EBF2: variants seen among roughly 807,000 people sequenced by gnomAD.
EBF2 encodes the protein transcription factor COE2.
In EBF2, 21 loss-of-function variants were observed where a neutral mutation model predicts 72.8. The ratio of observed to expected loss-of-function variants is 0.29; its 90% confidence interval spans 0.20 to 0.42. EBF2 has a LOEUF of 0.42. Ranked by LOEUF, EBF2 falls within the 10% of genes least tolerant of loss-of-function variation. The pLI is 1.00. For missense variants in EBF2, 637 were observed against 731.2 expected, an observed-to-expected ratio of 0.87 and a Z score of 1.49; for synonymous variants, 299 against 274.2, an observed-to-expected ratio of 1.09 and a Z score of -0.89.
intron 6 of EBF2, among the ~76,000 whole-genome samples, chr8:25,998,249 A>G (rs1024646912): frequency 5.3e-5 from 8 of 152,164 alleles, no homozygotes; most frequent in African/African-American, 1.9e-4. Flanking sequence ...GATGACTTAC[A>G]ATGTCAGGCA....
At chr8:25,966,423 A>G (rs948431546) in intron 6 of EBF2, among the ~76,000 whole-genome samples, 31 of 152,324 alleles carry the variant, frequency 2.0e-4, no homozygotes, top group African/African-American at 6.7e-4. Flanking sequence ...AGAGGAAATC[A>G]CTTTCCGGAC....
Position 25,939,199 on chromosome 8 carries a change from T to C in EBF2, c.552-30644A>G, listed in dbSNP as rs189224059. Among the ~76,000 whole-genome samples, 558 of 152,354 alleles carry C rather than the reference T, an allele frequency of 3.7e-3. 2 individuals carry two copies. The highest frequency in any genetic ancestry group is 6.5e-3 in the Non-Finnish European group (443 of 68,030). ...CCATTCTGTGATCTTCTTTTCTTAG[T>C]TCCTTTCTTTTACATCACTAGATTT... is the stretch of plus-strand genomic sequence containing the variant. On this transcript the variant is annotated intron_variant, in intron 6 of 15. Coordinates refer to ENST00000520164, the MANE Select transcript of EBF2 (RefSeq NM_022659.4).
At chr8:26,028,950 G>A (rs1205641226) in intron 6 of EBF2, among the ~76,000 whole-genome samples, 1 of 152,206 alleles carries the variant, frequency 6.6e-6, no homozygotes, top group African/African-American at 2.4e-5. Context: ...GGCTTTTGGA[G>A]AGGGGCATAG....
intron 6 of EBF2, among the ~76,000 whole-genome samples, chr8:25,962,224 G>A (rs1804046520): frequency 6.6e-6 from 1 of 152,138 alleles, no homozygotes; most frequent in Non-Finnish European, 1.5e-5. Flanking sequence ...TCCATATCCT[G>A]TCCAAGACCC....
chr8:25,952,114 G>A (rs1803873362), intron 6 of EBF2, among the ~76,000 whole-genome samples: 1 of 152,212 alleles, frequency 6.6e-6, no homozygotes, highest in African/African-American at 2.4e-5. Flanking sequence ...GCAACAGAGT[G>A]AGACCGTGTA....
At chr8:26,033,392 G>T (rs939683340) in intron 5 of EBF2, among the ~76,000 whole-genome samples, 3 of 152,142 alleles carry the variant, frequency 2.0e-5, no homozygotes, top group Non-Finnish European at 4.4e-5. Flanking sequence ...ACCGCGCCCA[G>T]CTAATTTCTG....
intron 7 of EBF2, among the ~76,000 whole-genome samples, chr8:25,893,585 T>A (rs895503441): frequency 2.0e-5 from 3 of 152,130 alleles, no homozygotes; most frequent in African/African-American, 7.2e-5. Flanking sequence ...GCCATGGGCA[T>A]TAATTCTTAA....
At chr8:25,974,903 C>G (rs1804244561) in intron 6 of EBF2, among the ~76,000 whole-genome samples, 2 of 152,152 alleles carry the variant, frequency 1.3e-5, no homozygotes, top group South Asian at 2.1e-4. Flanking sequence ...CAGCAGATCC[C>G]TGATAGCTCA....
chr8:25,863,410 A>AT (rs1205799579), intron 10 of EBF2, among the ~76,000 whole-genome samples: 16 of 152,298 alleles, frequency 1.1e-4, no homozygotes, highest in Non-Finnish European at 2.2e-4. Context: ...GGCCTGGCAC[A>AT]TAGAAGGCAC....
At chr8:25,885,795 G>A (rs1030731817) in intron 10 of EBF2, among the ~76,000 whole-genome samples, 10 of 152,162 alleles carry the variant, frequency 6.6e-5, no homozygotes, top group African/African-American at 2.2e-4. Context: ...TTGGAACTAT[G>A]AGTCCATTGA....
intron 10 of EBF2, among the ~76,000 whole-genome samples, chr8:25,865,053 G>A (rs1300691611): frequency 1.3e-5 from 2 of 151,870 alleles, no homozygotes; most frequent in Non-Finnish European, 2.9e-5. Context: ...CGCCTGCCTC[G>A]GCCTCACAAA....
chr8:25,957,760 G>C (rs1223976204), intron 6 of EBF2, among the ~76,000 whole-genome samples: 1 of 152,198 alleles, frequency 6.6e-6, no homozygotes, highest in Non-Finnish European at 1.5e-5. Context: ...CAGCTACTTG[G>C]GAGGTTGAGA....
intron 6 of EBF2, among the ~76,000 whole-genome samples, chr8:25,939,002 G>A (rs1290454885): frequency 6.6e-6 from 1 of 152,068 alleles, no homozygotes; most frequent in Non-Finnish European, 1.5e-5. Flanking sequence ...TGGACAGTTA[G>A]GAAATGGGAC....
At chr8:25,943,399 A>G (rs1803713440) in intron 6 of EBF2, among the ~76,000 whole-genome samples, 2 of 151,960 alleles carry the variant, frequency 1.3e-5, no homozygotes, top group South Asian at 4.2e-4. Context: ...AGTTCCAGCT[A>G]CTTGGGAGGC....
intron 6 of EBF2, among the ~76,000 whole-genome samples, chr8:26,025,256 C>T (rs904279041): frequency 6.6e-5 from 10 of 152,086 alleles, no homozygotes; most frequent in African/African-American, 2.4e-4. Flanking sequence ...ATCCATTGAC[C>T]TAGTCTTCGG....
chr8:25,992,955 G>A (rs1401490294), intron 6 of EBF2, among the ~76,000 whole-genome samples: 2 of 152,026 alleles, frequency 1.3e-5, no homozygotes, highest in Non-Finnish European at 2.9e-5. Flanking sequence ...GGCAAAAGGG[G>A]AGCTGTGCTG....
intron 6 of EBF2, among the ~76,000 whole-genome samples, chr8:25,921,660 T>A (rs1449644007): frequency 6.6e-6 from 1 of 152,246 alleles, no homozygotes; most frequent in Non-Finnish European, 1.5e-5. Flanking sequence ...CACAAGAGAA[T>A]GTTATCTGTT....
intron 10 of EBF2, among the ~76,000 whole-genome samples, chr8:25,875,040 C>T (rs1404165080): frequency 1.3e-5 from 2 of 152,116 alleles, no homozygotes; most frequent in African/African-American, 4.8e-5. Context: ...CTGCAAAGGC[C>T]ATGTTCTTGG....
At chr8:25,873,857 T>G (rs1172624279) in intron 10 of EBF2, among the ~76,000 whole-genome samples, 1 of 152,220 alleles carries the variant, frequency 6.6e-6, no homozygotes, top group African/African-American at 2.4e-5. Flanking sequence ...TAGAATATTA[T>G]AGCCGAGTGT....
Sources: allele counts gnomAD v4.1 joint callset (sites outside exome capture counted in the v4.1 genomes callset), GRCh38; gene constraint gnomAD v4.1.1; transcripts MANE v1.5; gene names NCBI Gene and HGNC (gene_info 2026-07-23, HGNC 2026-07-21).